The following ZFHX3 variants were observed in gnomAD, a reference collection of about 807,000 sequenced individuals.
ZFHX3 encodes the protein zinc finger homeobox 3.
In ZFHX3, 42 loss-of-function variants were observed where a neutral mutation model predicts 279.1. That is an observed-to-expected ratio of 0.15 (90% CI 0.12 to 0.19). ZFHX3 has a LOEUF of 0.19. Ranked by LOEUF, ZFHX3 falls within the 10% of genes least tolerant of loss-of-function variation. The pLI, the probability that ZFHX3 is intolerant of heterozygous loss-of-function variation, is 1.00. For synonymous variants in ZFHX3, 2,293 were observed against 1,957.8 expected (o/e 1.17, Z -4.52); for missense variants, 4,981 against 4,754.0 (o/e 1.05, Z -1.40).
chr16:73,093,240 G>C (rs373305367), exon 8 of ZFHX3: 4 of 514,892 alleles, frequency 7.8e-6, no homozygotes, highest in South Asian at 5.7e-5. Context: ...CCTACCTGGC[G>C]TTGACTTCCA....
intron 1 of ZFHX3, among the ~76,000 whole-genome samples, chr16:73,824,362 T>C (rs1960835789): frequency 6.7e-6 from 1 of 149,242 alleles, no homozygotes; most frequent in Non-Finnish European, 1.5e-5. Flanking sequence ...CAGAAATGTG[T>C]TTTCTTTCCA....
At chr16:72,842,431 A>T (rs1197365750) in intron 4 of ZFHX3, among the ~76,000 whole-genome samples, 1 of 152,162 alleles carries the variant, frequency 6.6e-6, no homozygotes, top group Non-Finnish European at 1.5e-5. Flanking sequence ...TGAGAGAATA[A>T]GGAAAGGAAA....
intron 2 of ZFHX3, among the ~76,000 whole-genome samples, chr16:73,635,509 A>C (rs949196945): frequency 1.3e-5 from 2 of 152,206 alleles, no homozygotes; most frequent in African/African-American, 4.8e-5. Flanking sequence ...CTAGGCTTGT[A>C]ATAGGTTTGT....
chr16:73,170,326 G>T (rs1445462248), intron 5 of ZFHX3, among the ~76,000 whole-genome samples: 1 of 138,938 alleles, frequency 7.2e-6, no homozygotes, highest in Non-Finnish European at 1.5e-5. Context: ...CACCTCCCGG[G>T]TTCAAACGAT....
chr16:73,329,140 A>C (rs4887910), intron 3 of ZFHX3, among the ~76,000 whole-genome samples: 101,192 of 152,106 alleles, frequency 0.67, 34,166 homozygotes, highest in South Asian at 0.72. Context: ...TTCCAAAGGG[A>C]AGAAGAGTAG....
intron 4 of ZFHX3, among the ~76,000 whole-genome samples, chr16:73,317,937 G>C (rs1273779247): frequency 1.3e-5 from 2 of 152,278 alleles, no homozygotes; most frequent in East Asian, 1.9e-4. Flanking sequence ...GAGTGATACT[G>C]ACAATTAAGG....
chr16:73,411,901 C>A (rs2017474238), intron 3 of ZFHX3, among the ~76,000 whole-genome samples: 1 of 152,118 alleles, frequency 6.6e-6, no homozygotes. Flanking sequence ...ATAGCAGGTG[C>A]CTCCATGTGT....
chr16:73,095,159 A>C (rs1057159055), intron 7 of ZFHX3, among the ~76,000 whole-genome samples: 1 of 152,138 alleles, frequency 6.6e-6, no homozygotes, highest in Non-Finnish European at 1.5e-5. Context: ...TCCTGAGCTC[A>C]AGTGATCCTC....
chr16:73,758,227 A>G (rs1267123794), intron 1 of ZFHX3, among the ~76,000 whole-genome samples: 3 of 125,002 alleles, frequency 2.4e-5, no homozygotes, highest in African/African-American at 5.6e-5. Flanking sequence ...CTGAAATGTT[A>G]CTAGAAATTC....
chr16:73,498,145 C>G (rs368196730), intron 2 of ZFHX3, among the ~76,000 whole-genome samples: 1 of 152,216 alleles, frequency 6.6e-6, no homozygotes, highest in Non-Finnish European at 1.5e-5. Flanking sequence ...TTTTTATCCC[C>G]TTGTAAAAGC....
chr16:73,688,142 A>C, intron 1 of ZFHX3, among the ~76,000 whole-genome samples: 1 of 151,872 alleles, frequency 6.6e-6, no homozygotes, highest in South Asian at 2.1e-4. Context: ...GGATCACCTG[A>C]GGTCAGAAGT....
intron 7 of ZFHX3, among the ~76,000 whole-genome samples, chr16:73,109,558 TTTTTTTTGTTTAAAAATTTTC>T (rs71391486): frequency 0.18 from 27,458 of 152,008 alleles, 3,085 homozygotes; most frequent in Middle Eastern, 0.25. Flanking sequence ...GCATTCCGTA[TTTTTTTTGTTTAAAAATTTTC>T]CGGTGCAGTG....
chr16:73,098,700 C>T (rs975214180), intron 7 of ZFHX3: 3 of 151,994 alleles, frequency 2.0e-5, no homozygotes, highest in Non-Finnish European at 4.4e-5. Context: ...TTTTTTTCAT[C>T]TGATCTACCT....
chr16:73,332,538 T>G (rs1006897048), intron 3 of ZFHX3, among the ~76,000 whole-genome samples: 1 of 152,250 alleles, frequency 6.6e-6, no homozygotes, highest in Non-Finnish European at 1.5e-5. Flanking sequence ...ACTTTCTTTT[T>G]GCCTCTTTTA....
chr16:72,797,492 T>TTGCTGCTGCTGTTGTTGCTGC lies in ZFHX3; in HGVS notation c.5169_5189dup (p.Gln1735_Gln1741dup). On this transcript the variant is annotated inframe_insertion, in exon 9 of 10. Coordinates refer to ENST00000268489, the MANE Select transcript of ZFHX3 (RefSeq NM_006885.4). The stretch of plus-strand genomic sequence containing the variant: ...GTTGTTGTTGTTGTTGTTGTTGCTG[T>TTGCTGCTGCTGTTGTTGCTGC]TGCTGCTGCTGTTGTTGCTGCTGCC... 6.2e-7 allele frequency: 1 copy of TTGCTGCTGCTGTTGTTGCTGC among 1,610,334 alleles called. No individual in the cohort carries two copies. The highest frequency in any genetic ancestry group is 8.5e-7 in the Non-Finnish European group (1 of 1,178,456).
At chr16:73,132,165 G>C (rs1966696879) in intron 6 of ZFHX3, among the ~76,000 whole-genome samples, 1 of 152,106 alleles carries the variant, frequency 6.6e-6, no homozygotes, top group Non-Finnish European at 1.5e-5. Context: ...CACAACTGTA[G>C]TCCCAGCTAC....
chr16:73,633,057 C>A (rs947111032), intron 2 of ZFHX3, among the ~76,000 whole-genome samples: 2 of 152,086 alleles, frequency 1.3e-5, no homozygotes, highest in Non-Finnish European at 2.9e-5. Flanking sequence ...CTAGGCTGGA[C>A]AACAAAGCGA....
intron 4 of ZFHX3, among the ~76,000 whole-genome samples, chr16:73,265,426 T>C (rs1246023789): frequency 2.0e-5 from 3 of 152,160 alleles, no homozygotes; most frequent in African/African-American, 7.2e-5. Flanking sequence ...TGGTGCTGGA[T>C]ACAGTTCTCA....
chr16:73,438,034 T>C (rs966801902), intron 3 of ZFHX3, among the ~76,000 whole-genome samples: 9 of 152,128 alleles, frequency 5.9e-5, no homozygotes, highest in Middle Eastern at 3.2e-3. Flanking sequence ...GGTGTTCTAA[T>C]AGAGTTTGAT....
Sources: allele counts gnomAD v4.1 joint callset (sites outside exome capture counted in the v4.1 genomes callset), GRCh38; gene constraint gnomAD v4.1.1; transcripts MANE v1.5; gene names NCBI Gene and HGNC (gene_info 2026-07-23, HGNC 2026-07-21).